Variants in EMCN observed in about 807,000 individuals in gnomAD.
The protein encoded by EMCN is MUC-14.
Under a neutral mutation model 38.4 loss-of-function variants are expected in EMCN, and 37 were observed. The ratio of observed to expected loss-of-function variants is 0.96; its 90% CI spans 0.74 to 1.27. EMCN has a LOEUF of 1.27. Among genes scored for constraint, EMCN ranks in the 50% most tolerant of loss-of-function variants. The pLI is 0.00. For missense variants in EMCN, 318 were observed against 302.8 expected, an observed-to-expected ratio of 1.05 and a Z score of -0.37; for synonymous variants, 95 against 100.8, an observed-to-expected ratio of 0.94 and a Z score of 0.35.
rs933667984 is a variant in EMCN, at chr4:100,475,810, T to C, written c.188-701A>G. Among the ~76,000 whole-genome samples, 54 of 151,500 alleles carry C rather than the reference T, an allele frequency of 3.6e-4. 1 individual carries two copies. Among genetic ancestry groups the C allele is most frequent in the Non-Finnish European group, 7.2e-4 (49 of 67,904 alleles). On this transcript the variant is annotated intron_variant, in intron 2 of 11. Transcript: ENST00000296420. ...CTCCTGCCTCAGCCTCCCGAGTAGATGGGACTACAGGCGCCCGCCACCACG... is the reference window on the plus strand; with the variant it reads ...CTCCTGCCTCAGCCTCCCGAGTAGACGGGACTACAGGCGCCCGCCACCACG...
intron 1 of EMCN, among the ~76,000 whole-genome samples, chr4:100,480,252 T>C (rs901999341): frequency 5.3e-5 from 8 of 152,054 alleles, no homozygotes; most frequent in Non-Finnish European, 1.0e-4. Context: ...AGGAGCAGTT[T>C]GTGGTTTCAG....
At position 100,487,033 on chromosome 4, in the gene EMCN, G is replaced by A. The variant is rs1054811051; in HGVS notation, c.65-6994C>T. 3.0e-6 allele frequency: 3 copies of A among 984,462 alleles called. No individual in the cohort carries two copies. The African/African-American group carries it at 5.2e-5, about 17-fold the overall frequency. 61.0% of individuals were successfully genotyped at this position (984,462 alleles called of 1,614,324 possible). A position where few individuals can be genotyped will look rare whatever the true frequency, so the allele number is the denominator to read the frequency against. Reference sequence around the variant, plus strand: ...TTGGTTGAGGAATTTCAAATCCTGAGGTAAAAAAGGCAAAGGTTACATTTA... The same window carrying A: ...TTGGTTGAGGAATTTCAAATCCTGAAGTAAAAAAGGCAAAGGTTACATTTA... On this transcript the variant is annotated intron_variant, in intron 1 of 11. Transcript: ENST00000296420.
intron 11 of EMCN, among the ~76,000 whole-genome samples, chr4:100,400,567 C>T (rs956300231): frequency 6.6e-6 from 1 of 152,092 alleles, no homozygotes; most frequent in Non-Finnish European, 1.5e-5. Flanking sequence ...GACAAGCCCT[C>T]CTTATATCTG....
chr4:100,515,975 C>T (rs1366737657), intron 1 of EMCN, among the ~76,000 whole-genome samples: 2 of 148,470 alleles, frequency 1.3e-5, no homozygotes, highest in African/African-American at 4.9e-5. Flanking sequence ...ATAGCCTCCT[C>T]TCTAAGACAA....
intron 11 of EMCN, among the ~76,000 whole-genome samples, chr4:100,409,086 C>A (rs1726476832): frequency 1.3e-5 from 2 of 152,160 alleles, no homozygotes; most frequent in African/African-American, 4.8e-5. Context: ...CAAGAAATTT[C>A]TGAGTGTCTG....
intron 11 of EMCN, among the ~76,000 whole-genome samples, chr4:100,401,521 G>A (rs192613757): frequency 6.6e-6 from 1 of 151,984 alleles, no homozygotes; most frequent in African/African-American, 2.4e-5. Flanking sequence ...ATACAGAGAG[G>A]CAATTGTAAA....
chr4:100,411,276 A>G (rs985610718), intron 10 of EMCN, among the ~76,000 whole-genome samples: 1 of 152,132 alleles, frequency 6.6e-6, no homozygotes, highest in Non-Finnish European at 1.5e-5. Context: ...CAGCACCCCC[A>G]GCCCCTGCTC....
intron 5 of EMCN, among the ~76,000 whole-genome samples, chr4:100,429,216 T>C (rs1265163911): frequency 6.6e-6 from 1 of 152,128 alleles, no homozygotes; most frequent in African/African-American, 2.4e-5. Context: ...TGAGGTCTAC[T>C]CTGGGCTGTT....
chr4:100,415,120 C>T (rs1726679321), intron 10 of EMCN, among the ~76,000 whole-genome samples: 1 of 152,206 alleles, frequency 6.6e-6, no homozygotes, highest in African/African-American at 2.4e-5. Flanking sequence ...TGGTCTCAAA[C>T]TCCTGACCTC....
At chr4:100,506,839 T>G (rs1729491739) in intron 1 of EMCN, among the ~76,000 whole-genome samples, 1 of 152,188 alleles carries the variant, frequency 6.6e-6, no homozygotes, top group Non-Finnish European at 1.5e-5. Context: ...ATGAACCAGT[T>G]GACAAATTTC....
At chr4:100,484,086 C>T (rs920010901) in intron 1 of EMCN, among the ~76,000 whole-genome samples, 3 of 152,014 alleles carry the variant, frequency 2.0e-5, no homozygotes, top group Non-Finnish European at 4.4e-5. Flanking sequence ...ATACGAGTTT[C>T]CTGTACTACA....
At chr4:100,466,725 C>T (rs1728326992) in intron 3 of EMCN, among the ~76,000 whole-genome samples, 1 of 152,044 alleles carries the variant, frequency 6.6e-6, no homozygotes, top group African/African-American at 2.4e-5. Context: ...AGTTGGTATT[C>T]GTGTTAGCAT....
At chr4:100,416,452 G>T (rs1235099333) in intron 9 of EMCN, among the ~76,000 whole-genome samples, 1 of 152,106 alleles carries the variant, frequency 6.6e-6, no homozygotes, top group Non-Finnish European at 1.5e-5. Flanking sequence ...TTTTAATCAA[G>T]AGTTCTCATC....
intron 5 of EMCN, among the ~76,000 whole-genome samples, chr4:100,434,059 A>G (rs1447361370): frequency 6.6e-6 from 1 of 152,088 alleles, no homozygotes; most frequent in African/African-American, 2.4e-5. Flanking sequence ...GAACGAAAAA[A>G]CCTTCAATAA....
chr4:100,435,699 A>C (rs1039848986), intron 5 of EMCN, among the ~76,000 whole-genome samples: 5 of 152,186 alleles, frequency 3.3e-5, no homozygotes, highest in African/African-American at 1.2e-4. Context: ...AATGGAACAG[A>C]ATAGAGAACT....
chr4:100,401,865 T>G (rs1726268973), intron 11 of EMCN, among the ~76,000 whole-genome samples: 1 of 152,142 alleles, frequency 6.6e-6, no homozygotes, highest in African/African-American at 2.4e-5. Context: ...TGAGACCTAC[T>G]GGTGAGGGAG....
intron 1 of EMCN, among the ~76,000 whole-genome samples, chr4:100,496,537 A>G (rs1053373012): frequency 2.6e-5 from 4 of 152,274 alleles, no homozygotes; most frequent in African/African-American, 7.2e-5. Context: ...ATTCAATTCA[A>G]TGTTCCAAAA....
intron 5 of EMCN, among the ~76,000 whole-genome samples, chr4:100,423,791 G>T (rs960563450): frequency 6.6e-6 from 1 of 151,940 alleles, no homozygotes; most frequent in Non-Finnish European, 1.5e-5. Flanking sequence ...ATCACACATA[G>T]TTAAAATGAT....
In EMCN at chr4:100,473,375, TTTTTTTTTTTG is replaced by T. The variant is rs1380759234; in HGVS notation, c.259+1652_259+1662del. On this transcript the variant is annotated intron_variant, in intron 3 of 11. Coordinates refer to ENST00000296420, the MANE Select transcript of EMCN (RefSeq NM_016242.4). ...CATTTCCCGTTTCGTGTTTTTTTGT[TTTTTTTTTTTG>T]TTTTTTTTTTTGCTAATGACATCAC... Among the ~76,000 whole-genome samples the T allele has an allele frequency of 7.3e-3, 902 of 123,108 alleles. 25 individuals carry two copies. The highest frequency in any genetic ancestry group is 0.024 in the African/African-American group (696 of 28,710). 80.8% of individuals were successfully genotyped at this position (123,108 alleles called of 152,430 possible).
Sources: gnomAD v4.1 joint callset for allele counts (sites outside exome capture counted in the v4.1 genomes callset) on GRCh38, gnomAD v4.1.1 for gene constraint, MANE v1.5 for transcripts, NCBI Gene and HGNC (gene_info 2026-07-23, HGNC 2026-07-21) for gene names.